Variants in PRKCH observed in about 807,000 individuals in gnomAD.
PRKCH encodes the protein protein kinase C eta type.
Under a neutral mutation model 82.5 loss-of-function variants are expected in PRKCH, and 28 were observed. The ratio of observed to expected loss-of-function variants is 0.34; its 90% CI spans 0.25 to 0.47. The LOEUF is 0.47. Among genes scored for constraint, PRKCH ranks in the 20% least tolerant of loss-of-function variants. The pLI, the probability that PRKCH is intolerant of heterozygous loss-of-function variation, is 1.00. For missense variants in PRKCH, 705 were observed against 881.8 expected, an observed-to-expected ratio of 0.80 and a Z score of 2.54; for synonymous variants, 322 against 327.4, an observed-to-expected ratio of 0.98 and a Z score of 0.18.
chr14:61,501,068 C>G (rs1167283227), intron 10 of PRKCH, among the ~76,000 whole-genome samples: 2 of 152,080 alleles, frequency 1.3e-5, no homozygotes, highest in Non-Finnish European at 2.9e-5. Context: ...GATATTGTAC[C>G]AACTCTTTAA....
chr14:61,224,290 C>T (rs2044678661), intron 1 of PRKCH, among the ~76,000 whole-genome samples: 1 of 152,142 alleles, frequency 6.6e-6, no homozygotes, highest in Admixed American at 6.5e-5. Context: ...TGCCCTCATC[C>T]CATCTCCTCT....
At chr14:61,241,905 G>T (rs1012006668) in intron 1 of PRKCH, among the ~76,000 whole-genome samples, 2 of 152,106 alleles carry the variant, frequency 1.3e-5, no homozygotes, top group Non-Finnish European at 2.9e-5. Flanking sequence ...TTAGGCACTT[G>T]GTGCAAGGAA....
At chr14:61,210,709 T>G (rs1594853980) in intron 1 of PRKCH, among the ~76,000 whole-genome samples, 1 of 152,050 alleles carries the variant, frequency 6.6e-6, no homozygotes. Flanking sequence ...TTGGAATAAA[T>G]GTATAGGGGT....
At chr14:61,383,380 C>A (rs1188348132) in intron 1 of PRKCH, among the ~76,000 whole-genome samples, 2 of 152,044 alleles carry the variant, frequency 1.3e-5, no homozygotes, top group African/African-American at 2.4e-5. Context: ...TCCTTGGGAA[C>A]ATAATGTCAG....
intron 1 of PRKCH, among the ~76,000 whole-genome samples, chr14:61,248,692 T>C (rs2044908855): frequency 6.6e-6 from 1 of 152,186 alleles, no homozygotes; most frequent in African/African-American, 2.4e-5. Context: ...ATGCAAATAT[T>C]TTCTTTTCTT....
At chr14:61,253,043 C>A (rs944927320) in intron 1 of PRKCH, among the ~76,000 whole-genome samples, 1 of 152,180 alleles carries the variant, frequency 6.6e-6, no homozygotes, top group African/African-American at 2.4e-5. Flanking sequence ...TACAGTGGTG[C>A]TTTTGGAGGA....
chr14:61,411,177 C>T (rs150575179), intron 2 of PRKCH, among the ~76,000 whole-genome samples: 2 of 152,184 alleles, frequency 1.3e-5, no homozygotes, highest in African/African-American at 4.8e-5. Flanking sequence ...TCAGAAGACA[C>T]CAGCCTTCAT....
chr14:61,296,873 G>A (rs946947347), intron 1 of PRKCH, among the ~76,000 whole-genome samples: 1 of 152,122 alleles, frequency 6.6e-6, no homozygotes, highest in African/African-American at 2.4e-5. Context: ...TATGGTTTCA[G>A]GTTTGTCATG....
intron 9 of PRKCH, among the ~76,000 whole-genome samples, chr14:61,458,757 G>GGA (rs1196731574): frequency 3.3e-5 from 5 of 152,092 alleles, no homozygotes; most frequent in African/African-American, 9.6e-5. Context: ...CGTGACAGCA[G>GGA]GAGAGAGAGA....
At chr14:61,505,119 C>T (rs1887078900) in intron 10 of PRKCH, among the ~76,000 whole-genome samples, 1 of 152,174 alleles carries the variant, frequency 6.6e-6, no homozygotes, top group African/African-American at 2.4e-5. Flanking sequence ...ACAGATACCT[C>T]TCTCCCCACT....
intron 10 of PRKCH, among the ~76,000 whole-genome samples, chr14:61,527,096 T>A (rs943102299): frequency 6.6e-6 from 1 of 152,148 alleles, no homozygotes; most frequent in Non-Finnish European, 1.5e-5. Context: ...GGGAAGCGGG[T>A]TTTTTTAAGA....
chr14:61,467,528 T>C (rs1885314144), intron 9 of PRKCH, among the ~76,000 whole-genome samples: 1 of 152,230 alleles, frequency 6.6e-6, no homozygotes, highest in Non-Finnish European at 1.5e-5. Flanking sequence ...GCATTACTGC[T>C]TGTGCTCTGT....
At chr14:61,236,710 C>CAAAAAAAA (rs35185475) in intron 1 of PRKCH, among the ~76,000 whole-genome samples, 90 of 87,232 alleles carry the variant, frequency 1.0e-3, no homozygotes, top group Middle Eastern at 0.012. Flanking sequence ...TGTCTCAAAA[C>CAAAAAAAA]AAAAAAAAAA....
intron 2 of PRKCH, among the ~76,000 whole-genome samples, chr14:61,422,968 A>G (rs568066070): frequency 1.3e-5 from 2 of 152,330 alleles, no homozygotes; most frequent in South Asian, 2.1e-4. Flanking sequence ...TCAAATATCC[A>G]TATTTCTTAA....
intron 1 of PRKCH, among the ~76,000 whole-genome samples, chr14:61,217,304 G>C (rs932542494): frequency 2.0e-5 from 3 of 152,144 alleles, no homozygotes; most frequent in Admixed American, 1.3e-4. Context: ...AAGGCAGGAG[G>C]ATCAGTTGGG....
intron 12 of PRKCH, chr14:61,543,859 A>G (rs909352293): frequency 3.3e-5 from 5 of 152,258 alleles, no homozygotes; most frequent in African/African-American, 7.2e-5. Flanking sequence ...ATGGCAAGCT[A>G]TCCACCTCCA....
chr14:61,502,446 G>GT (rs1295128117), intron 10 of PRKCH, among the ~76,000 whole-genome samples: 3 of 152,070 alleles, frequency 2.0e-5, no homozygotes, highest in Admixed American at 6.6e-5. Context: ...GAAAGTGCTG[G>GT]TTTTTTCAGA....
rs191915086 is a variant in PRKCH, at chr14:61,485,843, G to A, written c.1433+187G>A. Among the ~76,000 whole-genome samples, 197 of 152,228 alleles carry A rather than the reference G, an allele frequency of 1.3e-3. 1 individual carries two copies. The highest frequency in any genetic ancestry group is 6.8e-3 in the Middle Eastern group (2 of 294). On this transcript the variant is annotated intron_variant, in intron 10 of 13. Transcript: ENST00000332981. ...ATAGCCCGGGCTGGAGTGCAGTGGC[G>A]CAATCATGGCTCACTGCAGCCGGTC... is the stretch of plus-strand genomic sequence containing the variant.
chr14:61,525,507 T>G (rs2042954402), intron 10 of PRKCH: 1 of 152,230 alleles, frequency 6.6e-6, no homozygotes, highest in South Asian at 2.1e-4. Context: ...TTCTGAGAGC[T>G]GCGTCCCAAG....
Sources: gnomAD v4.1 joint callset for allele counts (sites outside exome capture counted in the v4.1 genomes callset) on GRCh38, gnomAD v4.1.1 for gene constraint, MANE v1.5 for transcripts, NCBI Gene and HGNC (gene_info 2026-07-23, HGNC 2026-07-21) for gene names.